Variants in AIRIM observed in about 807,000 individuals in gnomAD.
AIRIM encodes AFG2-interacting ribosome maturation factor.
chr1:37,689,574 C>T, the AIRIM span: 1 of 1,537,426 alleles, frequency 6.5e-7, no homozygotes, highest in Non-Finnish European at 8.8e-7. Flanking sequence ...TAAAATCCTT[C>T]CACCAAGAAA....
the AIRIM span, chr1:37,686,278 T>A: frequency 1.2e-6 from 2 of 1,612,706 alleles, no homozygotes; most frequent in Non-Finnish European, 8.5e-7. Flanking sequence ...GATACGACTT[T>A]CGATAATGTC....
chr1:37,688,717 G>T, the AIRIM span, among the ~76,000 whole-genome samples: 1 of 152,054 alleles, frequency 6.6e-6, no homozygotes, highest in Non-Finnish European at 1.5e-5. Context: ...CCAGTTCAAG[G>T]AAAGGCCACA....
chr1:37,686,572 T>A, the AIRIM span: 1 of 992,480 alleles, frequency 1.0e-6, no homozygotes, highest in South Asian at 1.6e-5. Context: ...GGCTGCCCTG[T>A]ACATTGTAGG....
the AIRIM span, among the ~76,000 whole-genome samples, chr1:37,685,726 C>T: frequency 1.3e-5 from 2 of 152,108 alleles, no homozygotes; most frequent in Admixed American, 6.5e-5. Flanking sequence ...CCTAGAAAGT[C>T]GAGCCCCCTG....
At chr1:37,685,156 T>G in the AIRIM span, among the ~76,000 whole-genome samples, 1 of 138,112 alleles carries the variant, frequency 7.2e-6, no homozygotes, top group East Asian at 2.3e-4. Flanking sequence ...TAATCAAGTT[T>G]CTAAGAGGTT....
chr1:37,689,473 T>A, the AIRIM span: 1 of 1,097,436 alleles, frequency 9.1e-7, no homozygotes. Flanking sequence ...CCAGATGAAG[T>A]AAGGAAGGTT....
chr1:37,688,519 T>C, the AIRIM span, among the ~76,000 whole-genome samples: 1 of 152,240 alleles, frequency 6.6e-6, no homozygotes, highest in Non-Finnish European at 1.5e-5. Context: ...TGATTGTTTA[T>C]TTCTTCTACT....
the AIRIM span, among the ~76,000 whole-genome samples, chr1:37,684,945 G>T: frequency 6.6e-6 from 1 of 151,888 alleles, no homozygotes. Context: ...GATCATCAAG[G>T]CCAGGAGTTC....
chr1:37,688,079 CAG>C, the AIRIM span, among the ~76,000 whole-genome samples: 187 of 151,998 alleles, frequency 1.2e-3, no homozygotes, highest in African/African-American at 3.7e-3. Context: ...TTTTTTGAGA[CAG>C]AGTCTTGCTC....
chr1:37,686,131 T>C, the AIRIM span: 1 of 746,856 alleles, frequency 1.3e-6, no homozygotes, highest in Non-Finnish European at 2.1e-6. Flanking sequence ...GGAAGGATTA[T>C]ACAAAGGAAT....
chr1:37,687,422 G>A, the AIRIM span, among the ~76,000 whole-genome samples: 45 of 151,092 alleles, frequency 3.0e-4, 1 homozygote, highest in East Asian at 2.0e-4. Context: ...ATGAGCCACC[G>A]TGCCCAGCTA....
the AIRIM span, chr1:37,681,945 G>A: frequency 6.6e-6 from 1 of 152,148 alleles, no homozygotes; most frequent in Non-Finnish European, 1.5e-5. Flanking sequence ...TTGTGAATTG[G>A]TCAGGAGCAG....
the AIRIM span, chr1:37,683,347 T>C: frequency 2.5e-6 from 4 of 1,614,150 alleles, no homozygotes; most frequent in Non-Finnish European, 3.4e-6. Flanking sequence ...GTTCGTCTTT[T>C]GAAATTCGGT....
At chr1:37,687,840 T>C in the AIRIM span, among the ~76,000 whole-genome samples, 1 of 152,210 alleles carries the variant, frequency 6.6e-6, no homozygotes, top group African/African-American at 2.4e-5. Flanking sequence ...CTCAAAGTGC[T>C]GGGATTACAG....
the AIRIM span, chr1:37,690,135 G>A: frequency 1.7e-6 from 2 of 1,209,944 alleles, no homozygotes; most frequent in East Asian, 3.3e-5. Context: ...TCCTGCCTCA[G>A]CCTCCCGAGT....
At chr1:37,685,534 C>T in the AIRIM span, among the ~76,000 whole-genome samples, 1 of 152,084 alleles carries the variant, frequency 6.6e-6, no homozygotes, top group Admixed American at 6.6e-5. Flanking sequence ...ACTTCAGGCA[C>T]ATACCACCAT....
chr1:37,682,325 G>A, the AIRIM span: 1 of 152,356 alleles, frequency 6.6e-6, no homozygotes, highest in African/African-American at 2.4e-5. Flanking sequence ...CATAGATGAA[G>A]GCAGCAGACC....
the AIRIM span, among the ~76,000 whole-genome samples, chr1:37,688,527 A>G: frequency 6.6e-6 from 1 of 152,204 alleles, no homozygotes. Flanking sequence ...TATTTCTTCT[A>G]CTCAACTAAG....
chr1:37,686,628 A>G, the AIRIM span, among the ~76,000 whole-genome samples: 1 of 152,200 alleles, frequency 6.6e-6, no homozygotes, highest in Admixed American at 6.5e-5. Context: ...TGACAGGTGT[A>G]AACTATACCT....
Sources: gnomAD v4.1 joint callset for allele counts (sites outside exome capture counted in the v4.1 genomes callset) on GRCh38, gnomAD v4.1.1 for gene constraint, MANE v1.5 for transcripts, NCBI Gene and HGNC (gene_info 2026-07-23, HGNC 2026-07-21) for gene names.